The following CDIN1 variants were observed in gnomAD, a reference collection of about 807,000 sequenced individuals.
The protein encoded by CDIN1 is CDAN1-interacting nuclease 1.
A neutral mutation model predicts 45.3 loss-of-function variants in CDIN1; 33 were observed. The ratio of observed to expected loss-of-function variants is 0.73; its 90% CI spans 0.55 to 0.97. The LOEUF is 0.97. Among genes scored for constraint, CDIN1 ranks in the 50% least tolerant of loss-of-function variants. CDIN1 has a pLI of 0.00. For synonymous variants in CDIN1, 118 were observed against 124.4 expected, an observed-to-expected ratio of 0.95 and a Z score of 0.34; for missense variants, 303 against 339.4, an observed-to-expected ratio of 0.89 and a Z score of 0.84.
intron 3 of CDIN1, 44 bp from the exon 4 acceptor site, chr15:36,654,054 C>A: frequency 6.9e-7 from 1 of 1,451,954 alleles, no homozygotes; most frequent in Non-Finnish European, 9.5e-7. Flanking sequence ...TCTATGCTGG[C>A]CTTTTCTTGT....
At chr15:36,753,108 T>C (rs1478543382) in intron 10 of CDIN1, among the ~76,000 whole-genome samples, 4 of 152,196 alleles carry the variant, frequency 2.6e-5, no homozygotes, top group Non-Finnish European at 5.9e-5. Context: ...TGATTCAATG[T>C]GATCACCTTT....
At chr15:36,651,684 A>T (rs913826309) in intron 3 of CDIN1, among the ~76,000 whole-genome samples, 3 of 152,100 alleles carry the variant, frequency 2.0e-5, no homozygotes, top group East Asian at 3.9e-4. Flanking sequence ...TCAGGGTTCT[A>T]TTTCAGGGTT....
intron 8 of CDIN1, 111 bp from the exon 9 acceptor site, chr15:36,709,112 T>C: frequency 1.2e-6 from 1 of 821,100 alleles, no homozygotes; most frequent in Non-Finnish European, 1.8e-6. Context: ...AAGAAAGATA[T>C]GTATGACTAC....
At chr15:36,684,823 G>C (rs1177026267) in intron 5 of CDIN1, among the ~76,000 whole-genome samples, 2 of 149,192 alleles carry the variant, frequency 1.3e-5, no homozygotes, top group East Asian at 4.0e-4. Context: ...TGTATGTGTC[G>C]AGGAATTTAT....
At chr15:36,741,495 T>G in intron 10 of CDIN1, among the ~76,000 whole-genome samples, 1 of 151,366 alleles carries the variant, frequency 6.6e-6, no homozygotes, top group East Asian at 1.9e-4. Flanking sequence ...AGTACTAGCA[T>G]TGAAAAATAA....
At chr15:36,695,614 AGATGGGCAG>A (rs1287393701) in intron 7 of CDIN1, among the ~76,000 whole-genome samples, 1 of 152,184 alleles carries the variant, frequency 6.6e-6, no homozygotes, top group African/African-American at 2.4e-5. Context: ...TGGGAGGCTG[AGATGGGCAG>A]ATCACTTGAA....
intron 5 of CDIN1, among the ~76,000 whole-genome samples, chr15:36,687,728 C>T (rs1045387447): frequency 6.6e-6 from 1 of 151,994 alleles, no homozygotes; most frequent in African/African-American, 2.4e-5. Context: ...AACAAGGATG[C>T]AGAAGATTTG....
At chr15:36,665,232 G>A (rs1285070986) in intron 5 of CDIN1, among the ~76,000 whole-genome samples, 2 of 152,130 alleles carry the variant, frequency 1.3e-5, no homozygotes, top group Admixed American at 6.5e-5. Flanking sequence ...TACATGCATT[G>A]TGTGATAAAT....
intron 1 of CDIN1, among the ~76,000 whole-genome samples, chr15:36,621,635 C>G (rs1291029076): frequency 3.9e-5 from 6 of 152,072 alleles, no homozygotes; most frequent in Non-Finnish European, 8.8e-5. Context: ...TTTTGGTTTA[C>G]TAAGATAATG....
intron 3 of CDIN1, among the ~76,000 whole-genome samples, chr15:36,646,805 G>A (rs1219332334): frequency 1.3e-5 from 2 of 152,052 alleles, no homozygotes; most frequent in East Asian, 3.9e-4. Context: ...TCTTTTCCTG[G>A]AAATTCGGAG....
At chr15:36,771,850 C>T (rs941578427) in intron 10 of CDIN1, among the ~76,000 whole-genome samples, 1 of 151,640 alleles carries the variant, frequency 6.6e-6, no homozygotes, top group Admixed American at 6.6e-5. Context: ...ATTGCTTGAA[C>T]CAGGGAGGCG....
chr15:36,709,971 C>G lies in CDIN1; in HGVS notation c.716+10C>G, dbSNP rs2042999237. The G allele has an allele frequency of 6.3e-7, 1 of 1,575,416 alleles. No individual in the cohort carries two copies. The highest frequency in any genetic ancestry group is 8.7e-7 in the Non-Finnish European group (1 of 1,152,802). ...GGAGCTACTGGAATAGGTAAGGTCT[C>G]ATTATTTTTCTTTTAAGATAAACGA... On this transcript the variant is annotated intron_variant, in intron 10 of 10. Transcript: ENST00000566621.
intron 7 of CDIN1, among the ~76,000 whole-genome samples, chr15:36,696,738 C>T (rs1413791607): frequency 6.6e-6 from 1 of 152,070 alleles, no homozygotes; most frequent in Non-Finnish European, 1.5e-5. Context: ...GATTAAAGTA[C>T]ATTTAAAATG....
chr15:36,644,190 A>C, intron 1 of CDIN1, 88 bp from the exon 2 acceptor site: 1 of 1,243,672 alleles, frequency 8.0e-7, no homozygotes, highest in South Asian at 1.3e-5. Flanking sequence ...ATTACAGGGC[A>C]GCAGGCCTAC....
At chr15:36,601,633 A>G (rs1452953375) in intron 1 of CDIN1, among the ~76,000 whole-genome samples, 1 of 152,210 alleles carries the variant, frequency 6.6e-6, no homozygotes, top group African/African-American at 2.4e-5. Context: ...GGTCACAAAT[A>G]TGGCAGTTTC....
chr15:36,672,187 G>A (rs530965847), intron 5 of CDIN1, among the ~76,000 whole-genome samples: 2 of 151,434 alleles, frequency 1.3e-5, no homozygotes, highest in Non-Finnish European at 2.9e-5. Context: ...TTTTTGTACT[G>A]TTTCTTTTTA....
chr15:36,664,275 A>G (rs913880035), intron 5 of CDIN1, among the ~76,000 whole-genome samples: 2 of 152,218 alleles, frequency 1.3e-5, no homozygotes, highest in African/African-American at 2.4e-5. Context: ...TCAGAGCCCC[A>G]TATTTAGATT....
At chr15:36,755,606 T>G (rs769611470) in intron 10 of CDIN1, among the ~76,000 whole-genome samples, 9 of 152,086 alleles carry the variant, frequency 5.9e-5, no homozygotes, top group Non-Finnish European at 1.0e-4. Flanking sequence ...TAAACTGTCA[T>G]GCCTAGACAA....
Position 36,665,498 on chromosome 15 carries a change from C to T in CDIN1, c.346+7593C>T, listed in dbSNP as rs976578494. Among the ~76,000 whole-genome samples, 2 of 152,024 alleles carry T rather than the reference C, an allele frequency of 1.3e-5. 1 individual carries two copies. The highest frequency in any genetic ancestry group is 1.3e-4 in the Admixed American group (2 of 15,266). ...TCTTCCCCTTTTATTTTTCTCAACT[C>T]GTGAAGAAAATTTAAATATATGAAA... On this transcript the variant is annotated intron_variant, in intron 5 of 10. Transcript: ENST00000566621.
Sources: allele counts gnomAD v4.1 joint callset (sites outside exome capture counted in the v4.1 genomes callset), GRCh38; gene constraint gnomAD v4.1.1; transcripts MANE v1.5; gene names NCBI Gene and HGNC (gene_info 2026-07-23, HGNC 2026-07-21).